ADGRB3: variants seen among roughly 807,000 people sequenced by gnomAD.
ADGRB3 encodes brain-specific angiogenesis inhibitor 3.
In ADGRB3, 37 loss-of-function variants were observed where a neutral mutation model predicts 193.4. The ratio of observed to expected loss-of-function variants is 0.19; its 90% CI spans 0.15 to 0.25. The LOEUF (loss-of-function observed/expected upper bound fraction) is 0.25. Among genes scored for constraint, ADGRB3 ranks in the 10% least tolerant of loss-of-function variants. ADGRB3 has a pLI of 1.00. For missense variants in ADGRB3, 1,637 were observed against 1,852.9 expected, an observed-to-expected ratio of 0.88 and a Z score of 2.14; for synonymous variants, 690 against 644.2, an observed-to-expected ratio of 1.07 and a Z score of -1.08.
At chr6:68,879,697 G>T (rs1268724888) in intron 3 of ADGRB3, among the ~76,000 whole-genome samples, 1 of 152,078 alleles carries the variant, frequency 6.6e-6, no homozygotes, top group Non-Finnish European at 1.5e-5. Context: ...TGCAACATGA[G>T]TCACACCCCC....
At chr6:69,201,940 C>G (rs1331302809) in intron 17 of ADGRB3, among the ~76,000 whole-genome samples, 2 of 152,114 alleles carry the variant, frequency 1.3e-5, no homozygotes, top group Non-Finnish European at 2.9e-5. Context: ...ATCACCATCA[C>G]TACTCAGACA....
intron 8 of ADGRB3, among the ~76,000 whole-genome samples, chr6:68,970,707 G>A (rs1768536259): frequency 1.3e-5 from 2 of 152,180 alleles, no homozygotes; most frequent in Non-Finnish European, 2.9e-5. Flanking sequence ...TAAAAATGTA[G>A]CCTAGCACAT....
In ADGRB3 at chr6:69,203,910, G is replaced by A. The variant is rs138303581; in HGVS notation, c.2481-29380G>A. ...GGTCTGCTGCTAGATTTGTATATAC[G>A]TGTGTCTTATTTCACTTCAGATTTT... On this transcript the variant is annotated intron_variant, in intron 17 of 31. Transcript: ENST00000370598. Among the ~76,000 whole-genome samples the A allele has an allele frequency of 5.3e-5, 8 of 152,106 alleles. No individual in the cohort carries two copies. The South Asian group carries it at 6.2e-4, about 12-fold the overall frequency.
At chr6:69,384,403 A>G (rs1582670733) in intron 31 of ADGRB3, among the ~76,000 whole-genome samples, 1 of 152,218 alleles carries the variant, frequency 6.6e-6, no homozygotes, top group South Asian at 2.1e-4. Flanking sequence ...CACCATTGAG[A>G]TTAGACCTAA....
intron 20 of ADGRB3, among the ~76,000 whole-genome samples, chr6:69,247,149 A>C (rs1459635135): frequency 6.6e-6 from 1 of 152,086 alleles, no homozygotes; most frequent in Non-Finnish European, 1.5e-5. Flanking sequence ...AAATATCTTA[A>C]ATTTAAAGAA....
At chr6:69,274,862 G>A in intron 20 of ADGRB3, among the ~76,000 whole-genome samples, 1 of 151,998 alleles carries the variant, frequency 6.6e-6, no homozygotes, top group East Asian at 1.9e-4. Context: ...AACATCAATG[G>A]AAACTTGGCC....
At chr6:68,682,993 G>A (rs1374738623) in intron 3 of ADGRB3, among the ~76,000 whole-genome samples, 3 of 151,880 alleles carry the variant, frequency 2.0e-5, no homozygotes, top group South Asian at 2.1e-4. Flanking sequence ...CTGTGTTGGC[G>A]AGGCTGGTCT....
intron 3 of ADGRB3, among the ~76,000 whole-genome samples, chr6:68,887,271 T>C (rs1765936452): frequency 6.6e-6 from 1 of 151,996 alleles, no homozygotes; most frequent in African/African-American, 2.4e-5. Context: ...CTTTCAACAA[T>C]AGAAAAAATG....
In ADGRB3 at chr6:69,204,900, G is replaced by A. The variant is rs563562054; in HGVS notation, c.2481-28390G>A. On this transcript the variant is annotated intron_variant, in intron 17 of 31. Coordinates refer to ENST00000370598, the MANE Select transcript of ADGRB3 (RefSeq NM_001704.3). ...AGTGGCACTTAAAAGTAGATAGTAG[G>A]TTGTATGTACTTTATAGGATTTTCA... 3.2e-4 allele frequency among the ~76,000 whole-genome samples: 48 copies of A among 152,076 alleles called. No homozygotes were observed. The Middle Eastern group carries it at 0.01, about 33-fold the overall frequency.
chr6:68,669,093 A>G (rs931705661), intron 3 of ADGRB3, among the ~76,000 whole-genome samples: 2 of 151,938 alleles, frequency 1.3e-5, no homozygotes, highest in Non-Finnish European at 2.9e-5. Context: ...GTGTGAGCGC[A>G]TGGTAGGTGT....
rs142212230 is a variant in ADGRB3, at chr6:69,249,278, G to A, written c.2814+10052G>A. ...GGCATGAGCCACGGCGCCCAGCTGA[G>A]TTTCTTCTTTGGAGCACTCTGGAAC... On this transcript the variant is annotated intron_variant, in intron 20 of 31. Transcript: ENST00000370598. 2.9e-3 allele frequency among the ~76,000 whole-genome samples: 449 copies of A among 152,230 alleles called. 1 individual carries two copies. The highest frequency in any genetic ancestry group is 0.01 in the African/African-American group (422 of 41,546).
intron 3 of ADGRB3, among the ~76,000 whole-genome samples, chr6:68,912,552 T>C (rs1408686535): frequency 1.3e-5 from 2 of 152,080 alleles, no homozygotes; most frequent in East Asian, 3.9e-4. Context: ...CAGAGTGTGA[T>C]GCTCCCCTTC....
At chr6:68,872,601 G>A (rs1403725637) in intron 3 of ADGRB3, among the ~76,000 whole-genome samples, 1 of 152,080 alleles carries the variant, frequency 6.6e-6, no homozygotes, top group Admixed American at 6.5e-5. Flanking sequence ...TTTGTATGCA[G>A]TATACACCAA....
chr6:68,664,452 G>A (rs1768747570), intron 3 of ADGRB3, among the ~76,000 whole-genome samples: 1 of 151,780 alleles, frequency 6.6e-6, no homozygotes, highest in Admixed American at 6.6e-5. Flanking sequence ...AGGTCAAAGA[G>A]CTCGCAAGTT....
At position 68,848,732 on chromosome 6, in the gene ADGRB3, C is replaced by T. The variant is rs530828403; in HGVS notation, c.758-81827C>T. On this transcript the variant is annotated intron_variant, in intron 3 of 31. Transcript: ENST00000370598. ...AAAATTTTGACAGAGGAACAAGTAA[C>T]GTAAGCATTGTTTTTGTTTCTTTTG... is the stretch of plus-strand genomic sequence containing the variant. Among the ~76,000 whole-genome samples, 65 of 151,996 alleles carry T rather than the reference C, an allele frequency of 4.3e-4. No homozygotes were observed. The South Asian group carries it at 0.012, about 29-fold the overall frequency.
chr6:68,997,848 G>C (rs900451823), intron 11 of ADGRB3, among the ~76,000 whole-genome samples: 2 of 151,486 alleles, frequency 1.3e-5, no homozygotes, highest in East Asian at 3.9e-4. Flanking sequence ...AATTCAGCAG[G>C]GTTTCTAAAT....
chr6:69,228,793 A>G (rs1222672197), intron 17 of ADGRB3, among the ~76,000 whole-genome samples: 3 of 152,224 alleles, frequency 2.0e-5, no homozygotes, highest in African/African-American at 7.2e-5. Flanking sequence ...ACAGATTACA[A>G]TAAAAGTTTA....
chr6:69,341,327 AT>A (rs1416387695), intron 26 of ADGRB3, among the ~76,000 whole-genome samples: 1 of 152,136 alleles, frequency 6.6e-6, no homozygotes, highest in African/African-American at 2.4e-5. Context: ...ATGAGATGGT[AT>A]TTCATTGTGG....
chr6:69,232,206 A>G (rs1243769803), intron 17 of ADGRB3, among the ~76,000 whole-genome samples: 1 of 152,142 alleles, frequency 6.6e-6, no homozygotes, highest in Non-Finnish European at 1.5e-5. Flanking sequence ...GGAGGTGACA[A>G]TTGGTGCATT....
Sources: gnomAD v4.1 joint callset for allele counts (sites outside exome capture counted in the v4.1 genomes callset) on GRCh38, gnomAD v4.1.1 for gene constraint, MANE v1.5 for transcripts, NCBI Gene and HGNC (gene_info 2026-07-23, HGNC 2026-07-21) for gene names.